The following MPP7 variants were observed in gnomAD, a reference collection of about 807,000 sequenced individuals.
The protein encoded by MPP7 is MAGUK p55 scaffold protein 7, also known as MAGUK p55 subfamily member 7.
In MPP7, 60 loss-of-function variants were observed where a neutral mutation model predicts 76.5. That is an observed-to-expected ratio of 0.78 (90% CI 0.64 to 0.97). MPP7 has a LOEUF of 0.97. Ranked by LOEUF, MPP7 falls within the 50% of genes least tolerant of loss-of-function variation. The probability of loss-of-function intolerance (pLI) is 0.00; values close to 1 mark genes in which losing one functional copy is unlikely to be tolerated. For missense variants in MPP7, 641 were observed against 694.0 expected, an observed-to-expected ratio of 0.92 and a Z score of 0.86; for synonymous variants, 237 against 244.5, an observed-to-expected ratio of 0.97 and a Z score of 0.29.
At chr10:28,302,749 C>A (rs891867939) in intron 1 of MPP7, among the ~76,000 whole-genome samples, 112 bp downstream of exon 1, 22 of 152,064 alleles carry the variant, frequency 1.4e-4, no homozygotes, top group Admixed American at 6.5e-5. Context: ...TCCGGAGGAC[C>A]GCGGCACCGC....
chr10:28,133,766 C>T (rs1835268529), intron 5 of MPP7, among the ~76,000 whole-genome samples: 1 of 152,054 alleles, frequency 6.6e-6, no homozygotes, highest in Non-Finnish European at 1.5e-5. Context: ...GCCCTCCATA[C>T]CCCCCAAAGT....
chr10:28,221,977 A>T (rs896394806), intron 2 of MPP7, among the ~76,000 whole-genome samples: 1 of 152,200 alleles, frequency 6.6e-6, no homozygotes, highest in Non-Finnish European at 1.5e-5. Context: ...TTTTATTGGA[A>T]CTGCTTACTA....
chr10:28,271,145 TAG>T lies in MPP7; in HGVS notation c.-132+31714_-132+31715del, dbSNP rs1315821458. 6.6e-5 allele frequency among the ~76,000 whole-genome samples: 10 copies of T among 152,358 alleles called. No homozygotes were observed. In the East Asian group the frequency reaches 1.5e-3, roughly 24 times the overall value. Reference sequence around the variant, plus strand: ...ATATGGTTTCTAGGCAAAAGGAAGTTAGGCAAAATTTGCAATGTATCTTTCCA... The same window carrying T: ...ATATGGTTTCTAGGCAAAAGGAAGTTGCAAAATTTGCAATGTATCTTTCCA... On this transcript the variant is annotated intron_variant, in intron 1 of 16. Coordinates refer to ENST00000683449, the MANE Select transcript of MPP7 (RefSeq NM_001318170.2).
At chr10:28,301,982 T>G (rs1219780834) in intron 1 of MPP7, among the ~76,000 whole-genome samples, 1 of 152,260 alleles carries the variant, frequency 6.6e-6, no homozygotes, top group Non-Finnish European at 1.5e-5. Flanking sequence ...AGGATTTACC[T>G]GCAAACTATT....
chr10:28,225,635 G>C (rs1838663097), intron 2 of MPP7, among the ~76,000 whole-genome samples: 1 of 152,130 alleles, frequency 6.6e-6, no homozygotes, highest in Non-Finnish European at 1.5e-5. Context: ...TTCCTACAAT[G>C]GCTATAATCA....
chr10:28,303,616 T>G (rs1841218542), upstream of MPP7: 1 of 152,224 alleles, frequency 6.6e-6, no homozygotes, highest in South Asian at 2.1e-4. Flanking sequence ...GACTTTTTCT[T>G]ATTACCTTTT....
chr10:28,195,080 G>C (rs1399795729), intron 3 of MPP7, among the ~76,000 whole-genome samples: 1 of 152,158 alleles, frequency 6.6e-6, no homozygotes, highest in African/African-American at 2.4e-5. Context: ...GATGGGCAAA[G>C]GATCCAATTG....
At chr10:28,270,140 AGAGT>A (rs1348396327) in intron 1 of MPP7, among the ~76,000 whole-genome samples, 1 of 152,218 alleles carries the variant, frequency 6.6e-6, no homozygotes, top group African/African-American at 2.4e-5. Flanking sequence ...GCGCGTTAAA[AGAGT>A]GACAAGCTTG....
intron 3 of MPP7, among the ~76,000 whole-genome samples, chr10:28,182,808 T>C (rs918434203): frequency 6.6e-6 from 1 of 152,256 alleles, no homozygotes; most frequent in Admixed American, 6.5e-5. Context: ...CCGGGTGCAG[T>C]GGCTCACGCC....
rs1841199477 is a variant in MPP7 at position 28,302,911 on chromosome 10, C to T, written c.-182G>A. 6.6e-6 allele frequency among the ~76,000 whole-genome samples: 1 copy of T among 152,150 alleles called. No homozygotes were observed. The highest frequency in any genetic ancestry group is 1.5e-5 in the Non-Finnish European group (1 of 68,002). Reference sequence around the variant, plus strand: ...GGCAGGAGGCGCACTCGCTCTGGCCCCTGCAGCCCCGGGCCCGGAGGCAAG... The same window carrying T: ...GGCAGGAGGCGCACTCGCTCTGGCCTCTGCAGCCCCGGGCCCGGAGGCAAG... On this transcript the variant is annotated 5_prime_UTR_variant, in exon 1 of 17. Coordinates refer to ENST00000683449, the MANE Select transcript of MPP7 (RefSeq NM_001318170.2).
intron 3 of MPP7, among the ~76,000 whole-genome samples, chr10:28,170,746 A>G (rs1375318732): frequency 6.6e-6 from 1 of 152,012 alleles, no homozygotes; most frequent in East Asian, 1.9e-4. Flanking sequence ...TATTTCCACA[A>G]TTAGATTTTT....
At chr10:28,077,489 T>A (rs1852550874) in intron 12 of MPP7, among the ~76,000 whole-genome samples, 2 of 152,310 alleles carry the variant, frequency 1.3e-5, no homozygotes, top group African/African-American at 4.8e-5. Context: ...GGAGAAGTTC[T>A]AGAGTCTCCC....
At chr10:28,142,717 C>T (rs748436349) in intron 5 of MPP7, among the ~76,000 whole-genome samples, 1 of 151,964 alleles carries the variant, frequency 6.6e-6, no homozygotes, top group Non-Finnish European at 1.5e-5. Flanking sequence ...GGTGACAGAG[C>T]GAGACTCTGT....
intron 3 of MPP7, among the ~76,000 whole-genome samples, chr10:28,156,709 C>T (rs1336782463): frequency 1.3e-5 from 2 of 152,066 alleles, no homozygotes; most frequent in African/African-American, 4.8e-5. Flanking sequence ...CTGAGAGTAT[C>T]ATAAGGAGGT....
chr10:28,276,728 C>T (rs1254433254), intron 1 of MPP7, among the ~76,000 whole-genome samples: 2 of 152,020 alleles, frequency 1.3e-5, no homozygotes, highest in African/African-American at 4.8e-5. Flanking sequence ...CTGATCTGAT[C>T]ACAGAACAGG....
At chr10:28,261,831 G>C (rs1839959698) in intron 1 of MPP7, among the ~76,000 whole-genome samples, 1 of 151,978 alleles carries the variant, frequency 6.6e-6, no homozygotes, top group Admixed American at 6.6e-5. Flanking sequence ...AGGATTGCTT[G>C]AGCCCAGGAG....
intron 1 of MPP7, among the ~76,000 whole-genome samples, chr10:28,251,658 C>T (rs776832097): frequency 6.6e-5 from 10 of 152,062 alleles, no homozygotes; most frequent in Non-Finnish European, 1.5e-4. Context: ...AGAGTTACTA[C>T]TTCACTTCAC....
At chr10:28,118,568 G>C in intron 11 of MPP7, 1 of 985,396 alleles carries the variant, frequency 1.0e-6, no homozygotes, top group Non-Finnish European at 1.2e-6. Flanking sequence ...CCAGTGAAAA[G>C]TCATCACGCT....
intron 3 of MPP7, among the ~76,000 whole-genome samples, chr10:28,154,220 G>A (rs1205474234): frequency 6.6e-6 from 1 of 152,102 alleles, no homozygotes; most frequent in Non-Finnish European, 1.5e-5. Flanking sequence ...CTAATCCCAG[G>A]AAGAGCCAGA....
Sources: allele counts gnomAD v4.1 joint callset (sites outside exome capture counted in the v4.1 genomes callset), GRCh38; gene constraint gnomAD v4.1.1; transcripts MANE v1.5; gene names NCBI Gene and HGNC (gene_info 2026-07-23, HGNC 2026-07-21).